ERO1A: variants seen among roughly 807,000 people sequenced by gnomAD.
ERO1A encodes endoplasmic reticulum oxidoreductase 1 alpha, also known as ERO1-like protein alpha.
Under a neutral mutation model 76.9 loss-of-function variants are expected in ERO1A, and 49 were observed. The ratio of observed to expected loss-of-function variants is 0.64; its 90% CI spans 0.51 to 0.81. ERO1A has a LOEUF of 0.81. ERO1A is among the 30% of genes least tolerant of loss of function. The pLI is 0.00. For missense variants in ERO1A, 448 were observed against 542.1 expected (o/e 0.83, Z 1.72); for synonymous variants, 174 against 181.2 (o/e 0.96, Z 0.32).
intron 9 of ERO1A, among the ~76,000 whole-genome samples, chr14:52,659,664 G>A (rs1371058377): frequency 4.0e-5 from 6 of 151,850 alleles, no homozygotes; most frequent in African/African-American, 1.5e-4. Context: ...TTTGGGGATG[G>A]TGGGATTATA....
Position 52,661,284 on chromosome 14 carries a change from T to C in ERO1A, c.688+9A>G. On this transcript the variant is annotated intron_variant, in intron 9 of 15. Coordinates refer to ENST00000395686, the MANE Select transcript of ERO1A (RefSeq NM_014584.3). ...TTCATATATGTAATATATAATAAATTATACTTACCTTCACTTGTCCCTGAA... is the reference window on the plus strand; with the variant it reads ...TTCATATATGTAATATATAATAAATCATACTTACCTTCACTTGTCCCTGAA... The C allele has an allele frequency of 2.5e-6, 3 of 1,213,920 alleles. No individual in the cohort carries two copies. The highest frequency in any genetic ancestry group is 3.4e-6 in the Non-Finnish European group (3 of 885,578). 75.2% of individuals were successfully genotyped at this position (1,213,920 alleles called of 1,614,324 possible). A position where few individuals can be genotyped will look rare whatever the true frequency, so the allele number is the denominator to read the frequency against.
At chr14:52,675,816 G>A (rs978573642) in intron 4 of ERO1A, among the ~76,000 whole-genome samples, 4 of 151,946 alleles carry the variant, frequency 2.6e-5, no homozygotes, top group African/African-American at 7.3e-5. Flanking sequence ...TGTAGAGATG[G>A]GGTTTTGCTA....
chr14:52,678,231 C>T, intron 4 of ERO1A: 1 of 384,960 alleles, frequency 2.6e-6, no homozygotes, highest in Non-Finnish European at 4.6e-6. Context: ...GCCACTGCTC[C>T]ATCTCAAAAA....
In ERO1A at chr14:52,640,931, A is replaced by G. The variant is rs1207468384; in HGVS notation, c.*2639T>C. On this transcript the variant is annotated 3_prime_UTR_variant, in exon 16 of 16. Transcript: ENST00000395686. The stretch of plus-strand genomic sequence containing the variant: ...TTGAGGAGTCTGGCTAAAGATAAGG[A>G]TTTAGGAACTGCTGAATTAAAATTA... 6.6e-6 allele frequency: 1 copy of G among 152,088 alleles called. No individual in the cohort carries two copies. The highest frequency in any genetic ancestry group is 1.5e-5 in the Non-Finnish European group (1 of 68,020). 9.4% of individuals were successfully genotyped at this position (152,088 alleles called of 1,614,324 possible). A position where few individuals can be genotyped will look rare whatever the true frequency, so the allele number is the denominator to read the frequency against.
intron 4 of ERO1A, among the ~76,000 whole-genome samples, chr14:52,675,892 C>T (rs951623809): frequency 6.6e-6 from 1 of 152,174 alleles, no homozygotes; most frequent in Non-Finnish European, 1.5e-5. Flanking sequence ...ACCATGTTGC[C>T]GAGGCTGGTC....
chr14:52,691,850 A>G (rs182306961), intron 1 of ERO1A, among the ~76,000 whole-genome samples: 1 of 152,378 alleles, frequency 6.6e-6, no homozygotes, highest in East Asian at 1.9e-4. Flanking sequence ...CCTAGGTTGT[A>G]TATACAATTC....
At chr14:52,683,294 CA>C (rs1181936543) in intron 2 of ERO1A, among the ~76,000 whole-genome samples, 3 of 147,308 alleles carry the variant, frequency 2.0e-5, no homozygotes, top group Non-Finnish European at 3.0e-5. Flanking sequence ...ACATTCTTTT[CA>C]AACAAGAAAG....
intron 3 of ERO1A, among the ~76,000 whole-genome samples, chr14:52,680,510 T>C (rs2040958122): frequency 6.6e-6 from 1 of 152,198 alleles, no homozygotes; most frequent in South Asian, 2.1e-4. Context: ...AACTGTAAAG[T>C]ATTTGTATTT....
At chr14:52,661,615 C>T (rs928425637) in intron 8 of ERO1A, among the ~76,000 whole-genome samples, 13 of 152,160 alleles carry the variant, frequency 8.5e-5, no homozygotes, top group Non-Finnish European at 1.8e-4. Flanking sequence ...TCTTCAATAT[C>T]TTAAGGACCT....
Position 52,695,495 on chromosome 14 carries a change from G to T in ERO1A, c.-14C>A. The T allele has an allele frequency of 6.7e-7, 1 of 1,483,388 alleles. No homozygotes were observed. The highest frequency in any genetic ancestry group is 9.0e-7 in the Non-Finnish European group (1 of 1,109,762). 91.9% of individuals were successfully genotyped at this position (1,483,388 alleles called of 1,614,324 possible). ...GCCGCGGCCCATTGCAGCTCCGGCA[G>T]CTTGTCGCCCCACGCTTGGGAGGCC... On this transcript the variant is annotated 5_prime_UTR_variant, in exon 1 of 16. The change creates a new upstream start codon in the 5' untranslated region. Transcript: ENST00000395686.
At chr14:52,678,567 A>T in intron 3 of ERO1A, 95 bp from the exon 4 acceptor site, 2 of 1,097,424 alleles carry the variant, frequency 1.8e-6, no homozygotes, top group Non-Finnish European at 2.6e-6. Context: ...AATTCATATA[A>T]CAAATTATCG....
At position 52,652,266 on chromosome 14, in the gene ERO1A, C is replaced by A. The variant is rs2039896844; in HGVS notation, c.1098G>T (p.Gly366=). 1 of 1,609,072 alleles carries A rather than the reference C, an allele frequency of 6.2e-7. No individual in the cohort carries two copies. Among genetic ancestry groups the A allele is most frequent in the African/African-American group, 1.3e-5 (1 of 74,780 alleles). Residue 366 remains glycine, a synonymous_variant, in exon 13 of 16, where the codon GGG becomes GGT. Transcript: ENST00000395686. Reference sequence around the variant, plus strand: ...TTAGTTTGTGTGCTTCTTTTTTATCCCCAGCAAAAAATGAATTCTCATCAA... The same window carrying A: ...TTAGTTTGTGTGCTTCTTTTTTATCACCAGCAAAAAATGAATTCTCATCAA... ...LHFDENSFFA[G]DKKEAHKLKE... is the part of the protein sequence containing the mutation.
In ERO1A at chr14:52,646,452, G is replaced by C; in HGVS notation, c.1135C>G (p.Arg379Gly). The C allele has an allele frequency of 6.2e-7, 1 of 1,608,272 alleles. No homozygotes were observed. Among genetic ancestry groups the C allele is most frequent in the Non-Finnish European group, 8.5e-7 (1 of 1,177,604 alleles). Residue 379 changes from arginine (R) to glycine (G), a missense_variant, in exon 14 of 16, where the codon CGA becomes GGA. Physicochemically the swap from Arg to Gly is moderately radical, Grantham distance 125. Transcript: ENST00000395686. ...KEAHKLKEDF[R>G]LHFRNISRIM... ...CTTGAAATATTTCTAAAATGCAGTC[G>C]AAAGTCCTCCTGAAAACAATTTAAC...
intron 6 of ERO1A, among the ~76,000 whole-genome samples, chr14:52,667,430 C>T (rs1224030954): frequency 2.0e-5 from 3 of 151,998 alleles, no homozygotes; most frequent in South Asian, 2.1e-4. Flanking sequence ...AAAAGATGGT[C>T]GGTCCCAGGG....
chr14:52,695,410 C>G lies in ERO1A; in HGVS notation c.72G>C (p.Glu24Asp), dbSNP rs1249228097. 6.5e-7 allele frequency: 1 copy of G among 1,544,978 alleles called. No individual in the cohort carries two copies. The highest frequency in any genetic ancestry group is 8.7e-7 in the Non-Finnish European group (1 of 1,144,930). Reference protein sequence around the residue: ...AVWLLSSGHGEEQPPETAAQR... With the variant: ...AVWLLSSGHGDEQPPETAAQR... ...GTGCCGCTGTCTCCGGGGGCTGCTC[C>G]TCTCCGTGGCCCGAGCTGAGCAGCC... The change falls in exon 1 of 16, where the codon GAG (glutamate) becomes GAC (aspartate). Residue 24 changes from glutamate to aspartate, a missense_variant. By Grantham distance (45) the Glu-to-Asp change is conservative (BLOSUM62 2). This residue lies in a region of ERO1A where 146 missense variants were observed against 130.2 expected (regional missense o/e 1.12). Coordinates refer to ENST00000395686, the MANE Select transcript of ERO1A (RefSeq NM_014584.3).
chr14:52,666,015 G>A (rs55675313), intron 7 of ERO1A, among the ~76,000 whole-genome samples: 1,615 of 152,276 alleles, frequency 0.011, 19 homozygotes, highest in African/African-American at 0.036. Context: ...GCACCAAAAA[G>A]AGAATTAAGA....
rs192938375 is a variant in ERO1A, at chr14:52,695,306, G to A, written c.114+62C>T. Reference sequence around the variant, plus strand: ...CCCAGCCGCTCACCCGCCAGGGCGTGCGGGACAGTGCACGCCGCGGAGGGC... The same window carrying A: ...CCCAGCCGCTCACCCGCCAGGGCGTACGGGACAGTGCACGCCGCGGAGGGC... On this transcript the variant is annotated intron_variant, in intron 1 of 15. Transcript: ENST00000395686. The A allele has an allele frequency of 5.3e-3, 6,163 of 1,158,354 alleles. 25 individuals carry two copies. The highest frequency in any genetic ancestry group is 6.4e-3 in the Non-Finnish European group (5,699 of 887,820). The allele number at this position is 1,158,354 out of a possible 1,614,324, so 71.8% of individuals were successfully genotyped here. A position where few individuals can be genotyped will look rare whatever the true frequency, so the allele number is the denominator to read the frequency against.
intron 6 of ERO1A, among the ~76,000 whole-genome samples, chr14:52,669,455 A>G (rs1378296805): frequency 6.6e-6 from 1 of 152,182 alleles, no homozygotes; most frequent in Non-Finnish European, 1.5e-5. Context: ...GGGAGTTGGG[A>G]GAACATCTTA....
intron 13 of ERO1A, among the ~76,000 whole-genome samples, chr14:52,647,878 T>C (rs1478674537): frequency 6.6e-6 from 1 of 152,136 alleles, no homozygotes; most frequent in East Asian, 1.9e-4. Context: ...ATTTCTCTTA[T>C]TCTAATGTGA....
Sources: gnomAD v4.1 joint callset for allele counts (sites outside exome capture counted in the v4.1 genomes callset) on GRCh38, gnomAD v4.1.1 for gene constraint, gnomAD v4.1.1 regional missense constraint, MANE v1.5 for transcripts, NCBI Gene and HGNC (gene_info 2026-07-23, HGNC 2026-07-21) for gene names.